Variants in CCDC186 observed in about 807,000 individuals in gnomAD.
The protein encoded by CCDC186 is coiled-coil domain-containing protein 186.
In CCDC186, 49 loss-of-function variants were observed where a neutral mutation model predicts 113.7. The observed-to-expected ratio is 0.43, with a 90% confidence interval of 0.34 to 0.55. The LOEUF is 0.55. Ranked by LOEUF, CCDC186 falls within the 20% of genes least tolerant of loss-of-function variation. The probability of loss-of-function intolerance (pLI) is 0.02; values close to 1 mark genes in which losing one functional copy is unlikely to be tolerated. For missense variants in CCDC186, 890 were observed against 1,011.1 expected (o/e 0.88, Z 1.62); for synonymous variants, 355 against 345.8 (o/e 1.03, Z -0.30).
chr10:114,145,435 A>T, intron 5 of CCDC186, 114 bp downstream of exon 5: 1 of 971,746 alleles, frequency 1.0e-6, no homozygotes, highest in Non-Finnish European at 1.4e-6. Flanking sequence ...AATAAAAACA[A>T]CTTTACGTTT....
intron 3 of CCDC186, among the ~76,000 whole-genome samples, 161 bp downstream of exon 3, chr10:114,157,393 T>C (rs1477022310): frequency 1.3e-5 from 2 of 148,812 alleles, no homozygotes; most frequent in African/African-American, 2.5e-5. Context: ...GGTTTCACCA[T>C]GTTGCCCAGG....
rs372471348 is a variant in CCDC186, at chr10:114,164,108, A to G, written c.-61-779T>C. 7.7e-3 allele frequency among the ~76,000 whole-genome samples: 715 copies of G among 92,862 alleles called. 10 individuals are homozygous for G. The highest frequency in any genetic ancestry group is 0.026 in the African/African-American group (606 of 23,482). The allele number at this position is 92,862 out of a possible 152,430, so 60.9% of individuals were successfully genotyped here. A position where few individuals can be genotyped will look rare whatever the true frequency, so the allele number is the denominator to read the frequency against. ...TGTGTGTGTGTGTGTGTGTGTATAT[A>G]TATATATTTTTTTTTTTTTTTTTTT... On this transcript the variant is annotated intron_variant, in intron 1 of 15. Coordinates refer to ENST00000369287, the MANE Select transcript of CCDC186 (RefSeq NM_018017.4).
chr10:114,155,679 G>GATAAA (rs771439823), intron 3 of CCDC186, among the ~76,000 whole-genome samples: 47 of 151,106 alleles, frequency 3.1e-4, no homozygotes, highest in East Asian at 1.8e-3. Flanking sequence ...CCATCTCAAA[G>GATAAA]ATAAAATAAA....
intron 12 of CCDC186, 115 bp from the exon 13 acceptor site, chr10:114,130,086 T>C: frequency 1.3e-6 from 1 of 796,386 alleles, no homozygotes; most frequent in Non-Finnish European, 2.1e-6. Context: ...GAGAAAGTTC[T>C]TGAATACATA....
At chr10:114,129,710 A>G (rs1427260731) in intron 13 of CCDC186, among the ~76,000 whole-genome samples, 181 bp downstream of exon 13, 1 of 151,974 alleles carries the variant, frequency 6.6e-6, no homozygotes, top group Non-Finnish European at 1.5e-5. Context: ...TTGTATTTTT[A>G]GTAGAGACGG....
chr10:114,150,697 G>A (rs974217256), intron 4 of CCDC186, among the ~76,000 whole-genome samples: 7 of 152,076 alleles, frequency 4.6e-5, no homozygotes, highest in Non-Finnish European at 7.4e-5. Flanking sequence ...CACCCAGGCT[G>A]GAGTGCAGCA....
chr10:114,157,728 A>G (rs779301368), intron 2 of CCDC186, 48 bp from the exon 3 acceptor site: 1 of 1,391,304 alleles, frequency 7.2e-7, no homozygotes, highest in Admixed American at 2.2e-5. Flanking sequence ...TAAAATGGAG[A>G]TAAAATAATA....
chr10:114,162,007 G>C (rs1201576797), intron 2 of CCDC186: 2 of 152,212 alleles, frequency 1.3e-5, no homozygotes. Context: ...TAGAATGGTG[G>C]TTGCCAGGGA....
chr10:114,137,348 A>G, intron 6 of CCDC186, 58 bp from the exon 7 acceptor site: 1 of 1,196,874 alleles, frequency 8.4e-7, no homozygotes, highest in Non-Finnish European at 1.2e-6. Context: ...AATGGTAAGA[A>G]GTGACCGGCA....
chr10:114,138,053 AAAAAAAAAAAAAAAAAAAAAT>A (rs1589613282), intron 6 of CCDC186, among the ~76,000 whole-genome samples: 17 of 89,332 alleles, frequency 1.9e-4, no homozygotes, highest in Admixed American at 7.5e-4. Flanking sequence ...AAAAAAAAAA[AAAAAAAAAAAAAAAAAAAAAT>A]AAAAAAAATA....
chr10:114,121,624 C>T lies in CCDC186; in HGVS notation c.*3519G>A, dbSNP rs2030726440. On this transcript the variant is annotated 3_prime_UTR_variant, in exon 16 of 16. Coordinates refer to ENST00000369287, the MANE Select transcript of CCDC186 (RefSeq NM_018017.4). ...ATAAAAGTTAGGAAACGTGCAGAAC[C>T]ACCAGGAAAACAGCAATTTGCTTTC... 1 of 151,966 alleles carries T rather than the reference C, an allele frequency of 6.6e-6. No homozygotes were observed. The highest frequency in any genetic ancestry group is 6.6e-5 in the Admixed American group (1 of 15,256). The allele number at this position is 151,966 out of a possible 1,614,324, so 9.4% of individuals were successfully genotyped here.
chr10:114,166,610 T>C (rs764194213), intron 1 of CCDC186, among the ~76,000 whole-genome samples: 2 of 152,228 alleles, frequency 1.3e-5, no homozygotes, highest in Non-Finnish European at 2.9e-5. Context: ...AATATGACAG[T>C]AATAATAAAT....
chr10:114,160,175 T>C (rs2032128338), intron 2 of CCDC186, among the ~76,000 whole-genome samples: 1 of 150,994 alleles, frequency 6.6e-6, no homozygotes, highest in African/African-American at 2.4e-5. Context: ...GAGCCTGAAG[T>C]AGGAGAATTG....
intron 5 of CCDC186, among the ~76,000 whole-genome samples, chr10:114,144,846 T>C (rs1159259392): frequency 1.3e-5 from 2 of 152,186 alleles, no homozygotes; most frequent in African/African-American, 4.8e-5. Flanking sequence ...ACCAATTGGA[T>C]GTATTGTCAA....
rs572282648 is a variant in CCDC186 at position 114,126,253 on chromosome 10, A to T, written c.2394-148T>A. The T allele has an allele frequency of 8.2e-4, 524 of 640,302 alleles. 1 individual carries two copies. The African/African-American group carries it at 8.6e-3, about 10-fold the overall frequency. 39.7% of individuals were successfully genotyped at this position (640,302 alleles called of 1,614,324 possible). On this transcript the variant is annotated intron_variant, in intron 14 of 15. Coordinates refer to ENST00000369287, the MANE Select transcript of CCDC186 (RefSeq NM_018017.4). ...TTAGAAAAGAATTCTCCTTATTCAG[A>T]TGGTTTCTTAAACTATCTCATTTTT...
intron 6 of CCDC186, among the ~76,000 whole-genome samples, chr10:114,138,177 T>A (rs1371314916): frequency 6.8e-6 from 1 of 146,592 alleles, no homozygotes; most frequent in Non-Finnish European, 1.5e-5. Context: ...GAGGCAGCAG[T>A]TGCAGTGAGC....
chr10:114,127,805 C>T (rs1001747088), intron 13 of CCDC186, 134 bp from the exon 14 acceptor site: 42 of 804,938 alleles, frequency 5.2e-5, no homozygotes, highest in African/African-American at 1.0e-4. Flanking sequence ...CACAGGTCAA[C>T]GTGGCTGAGG....
At position 114,164,065 on chromosome 10, in the gene CCDC186, A is replaced by AGTGTGTGTGTGTGT. The variant is rs747232906; in HGVS notation, c.-61-750_-61-737dup. On this transcript the variant is annotated intron_variant, in intron 1 of 15. Transcript: ENST00000369287. ...AACTTTATTAATTTGACCAAGTTAG[A>AGTGTGTGTGTGTGT]GTGTGTGTGTGTGTGTGTGTGTGTG... 5.9e-3 allele frequency among the ~76,000 whole-genome samples: 631 copies of AGTGTGTGTGTGTGT among 107,016 alleles called. 4 individuals are homozygous for AGTGTGTGTGTGTGT. The highest frequency in any genetic ancestry group is 8.2e-3 in the Non-Finnish European group (466 of 56,488). The allele number at this position is 107,016 out of a possible 152,430, so 70.2% of individuals were successfully genotyped here. A position where few individuals can be genotyped will look rare whatever the true frequency, so the allele number is the denominator to read the frequency against.
intron 2 of CCDC186, among the ~76,000 whole-genome samples, chr10:114,158,389 A>G (rs1021331646): frequency 2.6e-5 from 4 of 152,226 alleles, no homozygotes; most frequent in Admixed American, 2.6e-4. Flanking sequence ...GATGCCTAAG[A>G]AAGCTAACAG....
Sources: gnomAD v4.1 joint callset for allele counts (sites outside exome capture counted in the v4.1 genomes callset) on GRCh38, gnomAD v4.1.1 for gene constraint, MANE v1.5 for transcripts, NCBI Gene and HGNC (gene_info 2026-07-23, HGNC 2026-07-21) for gene names.